Variants in TSNAX observed in about 807,000 individuals in gnomAD.
TSNAX encodes the protein translin-associated protein X.
Under a neutral mutation model 33.0 loss-of-function variants are expected in TSNAX, and 12 were observed. The observed-to-expected ratio is 0.36, with a 90% CI of 0.23 to 0.59. The LOEUF (loss-of-function observed/expected upper bound fraction) is 0.59, where lower values mean the gene tolerates loss of function less well. Among genes scored for constraint, TSNAX ranks in the 20% least tolerant of loss-of-function variants. TSNAX has a pLI of 0.74. For missense variants in TSNAX, 267 were observed against 341.3 expected (o/e 0.78, Z 1.72); for synonymous variants, 110 against 117.2 (o/e 0.94, Z 0.40).
chr1:231,538,092 ACT>A (rs1354382808), intron 3 of TSNAX, among the ~76,000 whole-genome samples: 1 of 152,168 alleles, frequency 6.6e-6, no homozygotes, highest in East Asian at 1.9e-4. Flanking sequence ...AGCATATGAT[ACT>A]GTTGACTACT....
At chr1:231,547,389 CTTTTTTTT>C (rs71179784) in intron 4 of TSNAX, among the ~76,000 whole-genome samples, 12 of 104,692 alleles carry the variant, frequency 1.1e-4, no homozygotes, top group African/African-American at 4.6e-4. Context: ...TTTTTTTTTT[CTTTTTTTT>C]TTTTTTTTTT....
chr1:231,559,979 ATTATTAT>A lies in TSNAX; in HGVS notation c.368-1146_368-1140del, dbSNP rs1660943453. Among the ~76,000 whole-genome samples, 3 of 147,752 alleles carry A rather than the reference ATTATTAT, an allele frequency of 2.0e-5. No homozygotes were observed. In the South Asian group the frequency reaches 6.4e-4, roughly 31 times the overall value. On this transcript the variant is annotated intron_variant, in intron 4 of 5. Transcript: ENST00000366639. Reference sequence around the variant, plus strand: ...AAAGATCCAAATTATTATTATTATTATTATTATTTTTTTTTTTTTGCGACGAGTCTCG... The same window carrying A: ...AAAGATCCAAATTATTATTATTATTATTTTTTTTTTTTGCGACGAGTCTCG...
chr1:231,542,455 A>G (rs1659640530), intron 3 of TSNAX, 26 bp from the exon 4 acceptor site: 20 of 1,611,020 alleles, frequency 1.2e-5, no homozygotes, highest in Non-Finnish European at 1.6e-5. Context: ...CTGATGTTCT[A>G]AAAGTTCCCA....
chr1:231,544,270 T>C (rs200844685), intron 4 of TSNAX, among the ~76,000 whole-genome samples: 5 of 152,334 alleles, frequency 3.3e-5, no homozygotes, highest in Admixed American at 2.6e-4. Context: ...TTTTCCTAAG[T>C]ATCCTATTAA....
At chr1:231,555,946 G>T (rs1392977520) in intron 4 of TSNAX, among the ~76,000 whole-genome samples, 2 of 152,192 alleles carry the variant, frequency 1.3e-5, no homozygotes, top group African/African-American at 4.8e-5. Context: ...GATAATGAAA[G>T]ATGAATAATT....
At chr1:231,554,104 ACACT>A (rs1330603458) in intron 4 of TSNAX, among the ~76,000 whole-genome samples, 13 of 152,320 alleles carry the variant, frequency 8.5e-5, no homozygotes, top group Non-Finnish European at 1.2e-4. Context: ...TAAATAACTG[ACACT>A]CACCCATATT....
intron 4 of TSNAX, among the ~76,000 whole-genome samples, chr1:231,556,300 C>A (rs1050395284): frequency 6.6e-6 from 1 of 152,078 alleles, no homozygotes; most frequent in Non-Finnish European, 1.5e-5. Context: ...TACTAGATGC[C>A]ATGATCTTGA....
At chr1:231,560,297 A>T (rs957430560) in intron 4 of TSNAX, among the ~76,000 whole-genome samples, 1 of 149,532 alleles carries the variant, frequency 6.7e-6, no homozygotes, top group East Asian at 2.0e-4. Context: ...TCTTAATTTT[A>T]TGTCTCATTT....
intron 4 of TSNAX, among the ~76,000 whole-genome samples, chr1:231,556,429 A>G (rs1236141422): frequency 2.0e-5 from 3 of 152,262 alleles, no homozygotes; most frequent in Non-Finnish European, 2.9e-5. Context: ...TGTTTCTGCA[A>G]CAAGGCACTG....
At position 231,534,703 on chromosome 1, in the gene TSNAX, A is replaced by C. The variant is rs1304498416; in HGVS notation, c.122-2510A>C. ...AATTTCTTAGTTCCCAGGAGATTGC[A>C]TACCCTTAGTACGTTTATCTCAAAC... On this transcript the variant is annotated intron_variant, in intron 2 of 5. Transcript: ENST00000366639. 3 of 152,218 alleles carry C rather than the reference A, an allele frequency of 2.0e-5. No individual in the cohort carries two copies. In the East Asian group the frequency reaches 5.8e-4, roughly 29 times the overall value. 9.4% of individuals were successfully genotyped at this position (152,218 alleles called of 1,614,324 possible). A position where few individuals can be genotyped will look rare whatever the true frequency, so the allele number is the denominator to read the frequency against.
At chr1:231,537,086 C>T (rs1659230213) in intron 2 of TSNAX, 127 bp from the exon 3 acceptor site, 2 of 598,742 alleles carry the variant, frequency 3.3e-6, no homozygotes, top group Non-Finnish European at 5.8e-6. Flanking sequence ...CTACCGTGGC[C>T]TCCCAAAGTG....
intron 4 of TSNAX, among the ~76,000 whole-genome samples, chr1:231,556,644 T>G (rs1022494245): frequency 6.6e-6 from 1 of 152,202 alleles, no homozygotes; most frequent in Non-Finnish European, 1.5e-5. Context: ...CAGGAAAATA[T>G]GTGTGTATTG....
chr1:231,562,629 G>T (rs1300778667), intron 5 of TSNAX, among the ~76,000 whole-genome samples: 1 of 152,058 alleles, frequency 6.6e-6, no homozygotes. Context: ...AGAAAATTGA[G>T]AGTCAAAGTA....
At chr1:231,556,759 G>A (rs1235349212) in intron 4 of TSNAX, among the ~76,000 whole-genome samples, 1 of 152,122 alleles carries the variant, frequency 6.6e-6, no homozygotes, top group African/African-American at 2.4e-5. Flanking sequence ...ACCATTTAAA[G>A]CAGTGCTATT....
At chr1:231,543,219 A>T (rs201177039) in intron 4 of TSNAX, among the ~76,000 whole-genome samples, 9 of 151,930 alleles carry the variant, frequency 5.9e-5, no homozygotes, top group Admixed American at 1.3e-4. Flanking sequence ...CTTGGTGGTT[A>T]TCATTATTTT....
chr1:231,542,309 G>A (rs1659627154), intron 3 of TSNAX, among the ~76,000 whole-genome samples, 172 bp from the exon 4 acceptor site: 1 of 152,094 alleles, frequency 6.6e-6, no homozygotes, highest in Admixed American at 6.5e-5. Context: ...TCACTTAACA[G>A]TGTGTTAATA....
chr1:231,556,040 C>T (rs1381310344), intron 4 of TSNAX, among the ~76,000 whole-genome samples: 11 of 152,156 alleles, frequency 7.2e-5, no homozygotes, highest in Non-Finnish European at 1.6e-4. Flanking sequence ...TAAAACTACT[C>T]CTGCTTCTGA....
At chr1:231,545,490 C>T (rs544718794) in intron 4 of TSNAX, among the ~76,000 whole-genome samples, 3 of 151,780 alleles carry the variant, frequency 2.0e-5, no homozygotes, top group African/African-American at 7.2e-5. Flanking sequence ...GATGGTTAAA[C>T]AAATGAACAA....
intron 2 of TSNAX, among the ~76,000 whole-genome samples, chr1:231,530,493 G>A (rs1249300785): frequency 6.6e-6 from 1 of 152,110 alleles, no homozygotes; most frequent in Non-Finnish European, 1.5e-5. Context: ...ATGAGTTTGA[G>A]ACCAGCCTGG....
Sources: gnomAD v4.1 joint callset for allele counts (sites outside exome capture counted in the v4.1 genomes callset) on GRCh38, gnomAD v4.1.1 for gene constraint, MANE v1.5 for transcripts, NCBI Gene and HGNC (gene_info 2026-07-23, HGNC 2026-07-21) for gene names.